The following TMEM38B variants were observed in gnomAD, a reference collection of about 807,000 sequenced individuals.
The protein encoded by TMEM38B is transmembrane protein 38B, also known as trimeric intracellular cation channel type B.
A neutral mutation model predicts 28.7 loss-of-function variants in TMEM38B; 24 were observed. The ratio of observed to expected loss-of-function variants is 0.84; its 90% CI spans 0.61 to 1.18. The LOEUF (loss-of-function observed/expected upper bound fraction) is 1.18. Among genes scored for constraint, TMEM38B ranks in the 50% most tolerant of loss-of-function variants. The probability of loss-of-function intolerance (pLI) is 0.00; values close to 1 mark genes in which losing one functional copy is unlikely to be tolerated. For missense variants in TMEM38B, 380 were observed against 350.9 expected (o/e 1.08, Z -0.66); for synonymous variants, 131 against 127.7 (o/e 1.03, Z -0.17).
At chr9:105,756,396 A>G (rs1488632519) in intron 5 of TMEM38B, among the ~76,000 whole-genome samples, 1 of 152,142 alleles carries the variant, frequency 6.6e-6, no homozygotes, top group Non-Finnish European at 1.5e-5. Context: ...TATTAAGTAT[A>G]ATGTTGGCTG....
At chr9:105,738,715 CTTTTTTTT>C (rs71489351) in intron 4 of TMEM38B, among the ~76,000 whole-genome samples, 1 of 109,690 alleles carries the variant, frequency 9.1e-6, no homozygotes, top group African/African-American at 4.1e-5. Context: ...TAATTTTTTC[CTTTTTTTT>C]TTTTTTTTTT....
rs898155903 is a variant in TMEM38B at position 105,721,706 on chromosome 9, A to G, written c.439A>G (p.Ile147Val). Residue 147 changes from isoleucine (I) to valine (V), a missense_variant, in exon 3 of 6, where the codon ATT becomes GTT. Physicochemically the swap from Ile to Val is conservative, Grantham distance 29 (BLOSUM62 3). Coordinates refer to ENST00000374692, the MANE Select transcript of TMEM38B (RefSeq NM_018112.3). ...AAATGGCTGGATAGTCATGATAGCT[A>G]TTGGATGGGCCCGAGGTAATATTGA... is the stretch of plus-strand genomic sequence containing the variant. The part of the protein sequence containing the change: ...YKNGWIVMIA[I>V]GWARGAGGTI... 3 of 1,612,008 alleles carry G rather than the reference A, an allele frequency of 1.9e-6. No homozygotes were observed. The highest frequency in any genetic ancestry group is 8.5e-7 in the Non-Finnish European group (1 of 1,178,824).
intron 5 of TMEM38B, among the ~76,000 whole-genome samples, chr9:105,772,125 C>G (rs1826565677): frequency 6.6e-6 from 1 of 152,206 alleles, no homozygotes; most frequent in South Asian, 2.1e-4. Context: ...ACCTTGAATT[C>G]CAACTTATCT....
At chr9:105,733,282 T>C (rs1335323255) in intron 4 of TMEM38B, among the ~76,000 whole-genome samples, 2 of 152,160 alleles carry the variant, frequency 1.3e-5, no homozygotes, top group African/African-American at 4.8e-5. Context: ...TATTTCTTTA[T>C]AGCAACACAA....
chr9:105,716,581 A>T (rs1211835711), intron 2 of TMEM38B, among the ~76,000 whole-genome samples: 20 of 123,222 alleles, frequency 1.6e-4, no homozygotes. Flanking sequence ...ACCTTGTCAC[A>T]TAGTTTTGTT....
Position 105,748,118 on chromosome 9 carries a change from G to T in TMEM38B, c.588G>T (p.Gln196His). The T allele has an allele frequency of 1.2e-6, 2 of 1,613,438 alleles. No individual in the cohort carries two copies. The highest frequency in any genetic ancestry group is 8.5e-7 in the Non-Finnish European group (1 of 1,179,654). The change falls in exon 5 of 6, where the codon CAG (glutamine) becomes CAT (histidine). Residue 196 changes from glutamine to histidine, a missense_variant. Physicochemically the swap from Gln to His is conservative, Grantham distance 24 (BLOSUM62 0). Transcript: ENST00000374692. The stretch of plus-strand genomic sequence containing the variant: ...TGGGGTCAGTTATCTTCACATTCCA[G>T]CACACCCAGCATCTGGCAATATCAA... ...TLLGSVIFTF[Q>H]HTQHLAISKH...
At chr9:105,717,854 T>C (rs998648263) in intron 2 of TMEM38B, among the ~76,000 whole-genome samples, 7 of 152,206 alleles carry the variant, frequency 4.6e-5, no homozygotes, top group African/African-American at 1.7e-4. Context: ...TAATAGCAAT[T>C]ACATAGCATT....
At chr9:105,726,998 T>C (rs1836541880) in intron 4 of TMEM38B, among the ~76,000 whole-genome samples, 1 of 152,140 alleles carries the variant, frequency 6.6e-6, no homozygotes, top group Non-Finnish European at 1.5e-5. Flanking sequence ...CAATTTTTCA[T>C]AGACTACTGA....
chr9:105,711,217 G>A (rs1564389496), intron 2 of TMEM38B, among the ~76,000 whole-genome samples: 1 of 149,210 alleles, frequency 6.7e-6, no homozygotes, highest in Non-Finnish European at 1.5e-5. Flanking sequence ...GAGGTGGGCG[G>A]ATCACCTGAG....
rs1418531339 is a variant in TMEM38B, at chr9:105,774,031, A to G, written c.827A>G (p.Asp276Gly). The G allele has an allele frequency of 5.0e-6, 8 of 1,613,744 alleles. No individual in the cohort carries two copies. The highest frequency in any genetic ancestry group is 6.8e-6 in the Non-Finnish European group (8 of 1,179,774). ...GGGTCATTGGCCTCAAAGCCGGTAG[A>G]TGTTGCCTCAGATAATGTTAAAAAG... ...GVGSLASKPV[D>G]VASDNVKKKH... The change falls in exon 6 of 6, where the codon GAT (aspartate) becomes GGT (glycine). Residue 276 changes from aspartate to glycine, a missense_variant. By Grantham distance (94) the Asp-to-Gly change is moderately conservative (BLOSUM62 -1). Transcript: ENST00000374692.
chr9:105,760,373 C>A (rs1837995916), intron 5 of TMEM38B: 1 of 762,316 alleles, frequency 1.3e-6, no homozygotes, highest in Admixed American at 1.8e-5. Context: ...CTTCAAGTAC[C>A]AACTTATTTA....
intron 5 of TMEM38B, chr9:105,760,508 A>T: frequency 1.3e-6 from 1 of 742,968 alleles, no homozygotes. Context: ...CAGGACTTTG[A>T]AAAGCAAAAA....
intron 4 of TMEM38B, among the ~76,000 whole-genome samples, chr9:105,729,928 G>T (rs1443408206): frequency 6.6e-6 from 1 of 152,148 alleles, no homozygotes; most frequent in African/African-American, 2.4e-5. Context: ...CATTGATTTT[G>T]TATCCTGAAA....
At chr9:105,723,433 G>T (rs1003369593) in intron 4 of TMEM38B, among the ~76,000 whole-genome samples, 3 of 150,884 alleles carry the variant, frequency 2.0e-5, no homozygotes, top group Admixed American at 1.3e-4. Context: ...TTGAGACAGG[G>T]TTTTATTCTG....
At chr9:105,742,401 T>C (rs1160851558) in intron 4 of TMEM38B, among the ~76,000 whole-genome samples, 1 of 152,230 alleles carries the variant, frequency 6.6e-6, no homozygotes, top group East Asian at 1.9e-4. Flanking sequence ...GATTTCAAAA[T>C]GGCTTGGGAC....
intron 2 of TMEM38B, among the ~76,000 whole-genome samples, chr9:105,707,477 A>G (rs1239610403): frequency 6.6e-6 from 1 of 152,212 alleles, no homozygotes; most frequent in Admixed American, 6.5e-5. Flanking sequence ...CATTAAATAT[A>G]TAACAGGAAC....
At chr9:105,725,878 CTG>C (rs1473138763) in intron 4 of TMEM38B, among the ~76,000 whole-genome samples, 2 of 152,084 alleles carry the variant, frequency 1.3e-5, no homozygotes, top group Non-Finnish European at 2.9e-5. Flanking sequence ...TTTATAAACA[CTG>C]TACACTGAGG....
intron 2 of TMEM38B, among the ~76,000 whole-genome samples, chr9:105,715,201 C>T (rs115056329): frequency 1.5e-3 from 224 of 152,164 alleles, no homozygotes; most frequent in African/African-American, 5.1e-3. Context: ...TTAATTCTCC[C>T]ATTTTAACAA....
chr9:105,731,246 G>T (rs1170162912), intron 4 of TMEM38B, among the ~76,000 whole-genome samples: 1 of 151,890 alleles, frequency 6.6e-6, no homozygotes, highest in Non-Finnish European at 1.5e-5. Context: ...ATGTGCCCCA[G>T]AGATTCTGGT....
Sources: allele counts gnomAD v4.1 joint callset (sites outside exome capture counted in the v4.1 genomes callset), GRCh38; gene constraint gnomAD v4.1.1; transcripts MANE v1.5; gene names NCBI Gene and HGNC (gene_info 2026-07-23, HGNC 2026-07-21).